KCNK15: variants seen among roughly 807,000 people sequenced by gnomAD.
KCNK15 encodes potassium two pore domain channel subfamily K member 15.
KCNK15 carries 9 observed loss-of-function variants against 8.5 expected under a neutral mutation model. The observed-to-expected ratio is 1.06, with a 90% CI of 0.64 to 1.85. KCNK15 has a LOEUF of 1.85. Among genes scored for constraint, KCNK15 ranks in the 40% most tolerant of loss-of-function variants. The probability of loss-of-function intolerance (pLI) is 0.00; values close to 1 mark genes in which losing one functional copy is unlikely to be tolerated. For missense variants in KCNK15, 467 were observed against 476.8 expected (o/e 0.98, Z 0.19); for synonymous variants, 224 against 232.7 (o/e 0.96, Z 0.34).
Position 44,750,396 on chromosome 20 carries a change from G to A in KCNK15, c.551G>A (p.Trp184Ter). ...GTCGCCTTCTCGCACTTCGAGGGCT[G>A]GACCTTCTTCCACGCCTACTACTAC... Reference protein sequence around the residue: ...GAVAFSHFEGWTFFHAYYYCF... With the variant: ...GAVAFSHFEG Residue 184 changes from tryptophan (W) to a stop codon, truncating the protein, a stop_gained, in exon 2 of 2, where the codon TGG becomes TAG. Coordinates refer to ENST00000372861, the MANE Select transcript of KCNK15 (RefSeq NM_022358.4). LOFTEE classifies it low-confidence loss of function (END_TRUNC). 1.2e-6 allele frequency: 2 copies of A among 1,613,928 alleles called. No homozygotes were observed. The highest frequency in any genetic ancestry group is 1.7e-6 in the Non-Finnish European group (2 of 1,179,888).
In KCNK15 at chr20:44,750,270, C is replaced by T. The variant is rs771233506; in HGVS notation, c.425C>T (p.Ala142Val). 29 of 1,605,770 alleles carry T rather than the reference C, an allele frequency of 1.8e-5. No homozygotes were observed. Among genetic ancestry groups the T allele is most frequent in the Non-Finnish European group, 2.4e-5 (28 of 1,177,012 alleles). The change falls in exon 2 of 2, where the codon GCG becomes GTG. Residue 142 changes from alanine to valine, a missense_variant. Around this residue, in one of 2 missense-constraint regions of KCNK15, gnomAD observed 455 missense variants for 441.2 expected, o/e 1.03. Coordinates refer to ENST00000372861, the MANE Select transcript of KCNK15 (RefSeq NM_022358.4). Reference sequence around the variant, plus strand: ...GCGGTGGTGCGGCGCCTCCTGTTGGCGGCCAAGTGCTGCCTGGGCCTGCGG... The same window carrying T: ...GCGGTGGTGCGGCGCCTCCTGTTGGTGGCCAAGTGCTGCCTGGGCCTGCGG... Reference protein sequence around the residue: ...LNAVVRRLLLAAKCCLGLRWT... With the variant: ...LNAVVRRLLLVAKCCLGLRWT...
rs555497433 is a variant in KCNK15, at chr20:44,748,296, T to A, written c.284-1833T>A. Among the ~76,000 whole-genome samples the A allele has an allele frequency of 3.6e-4, 55 of 152,170 alleles. No individual in the cohort carries two copies. In the Middle Eastern group the frequency reaches 0.01, roughly 28 times the overall value. ...CTTGGTGATGGGGACTACACCACCATCGTCCCCGCCCTCAAAGAGCTCAAA... is the reference window on the plus strand; with the variant it reads ...CTTGGTGATGGGGACTACACCACCAACGTCCCCGCCCTCAAAGAGCTCAAA... On this transcript the variant is annotated intron_variant, in intron 1 of 1. Coordinates refer to ENST00000372861, the MANE Select transcript of KCNK15 (RefSeq NM_022358.4).
rs758973774 is a variant in KCNK15, at chr20:44,746,108, G to A, written c.198G>A (p.Ala66=). 6.7e-7 allele frequency: 1 copy of A among 1,497,546 alleles called. No homozygotes were observed. The highest frequency in any genetic ancestry group is 8.9e-7 in the Non-Finnish European group (1 of 1,119,508). 92.8% of individuals were successfully genotyped at this position (1,497,546 alleles called of 1,614,324 possible). Residue 66 remains alanine, a synonymous_variant, in exon 1 of 2, where the codon GCG becomes GCA. Coordinates refer to ENST00000372861, the MANE Select transcript of KCNK15 (RefSeq NM_022358.4). ...ACTACCGCGAGCTGGAGCGCCTGGC[G>A]CTCCAGGCTGAGCCCCACCGCGCCG... is the stretch of plus-strand genomic sequence containing the variant. The part of the protein sequence containing the change: ...AEDYRELERL[A]LQAEPHRAGR...
Position 44,750,781 on chromosome 20 carries a change from G to C in KCNK15, c.936G>C (p.Pro312=). 6.6e-7 allele frequency: 1 copy of C among 1,508,976 alleles called. No individual in the cohort carries two copies. The highest frequency in any genetic ancestry group is 2.7e-5 in the East Asian group (1 of 37,452). The allele number at this position is 1,508,976 out of a possible 1,614,324, so 93.5% of individuals were successfully genotyped here. Reference sequence around the variant, plus strand: ...TGGGCTTTTCGCCCCCCTCGAGCCCGGGGGTCGTGCGTGGCGGGCAGGCTC... The same window carrying C: ...TGGGCTTTTCGCCCCCCTCGAGCCCCGGGGTCGTGCGTGGCGGGCAGGCTC... ...DNLGFSPPSS[P]GVVRGGQAPR... is the part of the protein sequence containing the mutation. The change falls in exon 2 of 2, where the codon CCG becomes CCC. Residue 312 remains proline, a synonymous_variant. Transcript: ENST00000372861.
Position 44,750,871 on chromosome 20 carries a change from TGGGA to T in KCNK15, c.*37_*40del, listed in dbSNP as rs1399472826. The T allele has an allele frequency of 1.5e-5, 20 of 1,310,748 alleles. No homozygotes were observed. Among genetic ancestry groups the T allele is most frequent in the Non-Finnish European group, 1.9e-5 (19 of 1,018,414 alleles). 81.2% of individuals were successfully genotyped at this position (1,310,748 alleles called of 1,614,324 possible). Reference sequence around the variant, plus strand: ...ACCCAGGCCAGGGTCGAATCTGGAATGGGAGGGTCTGGCTTCAGCTATCAGGGCA... The same window carrying T: ...ACCCAGGCCAGGGTCGAATCTGGAATGGGTCTGGCTTCAGCTATCAGGGCA... On this transcript the variant is annotated 3_prime_UTR_variant, in exon 2 of 2. Coordinates refer to ENST00000372861, the MANE Select transcript of KCNK15 (RefSeq NM_022358.4).
At chr20:44,747,958 G>A (rs1342971701) in intron 1 of KCNK15, among the ~76,000 whole-genome samples, 1 of 152,194 alleles carries the variant, frequency 6.6e-6, no homozygotes, top group Admixed American at 6.5e-5. Flanking sequence ...CAGGCCTGTG[G>A]CCTTTGGGCA....
Position 44,745,993 on chromosome 20 carries a change from C to A in KCNK15, c.83C>A (p.Ala28Glu). ...YLLVGAAVFD[A>E]LESEAESGRQ... ...CTGGTGGGCGCTGCTGTCTTCGACG[C>A]GCTCGAGTCCGAGGCGGAAAGCGGC... The change falls in exon 1 of 2, where the codon GCG becomes GAG. Residue 28 changes from alanine to glutamate, a missense_variant. This residue lies in a region of KCNK15 where 455 missense variants were observed against 441.2 expected (regional missense o/e 1.03). Coordinates refer to ENST00000372861, the MANE Select transcript of KCNK15 (RefSeq NM_022358.4). The A allele has an allele frequency of 6.6e-7, 1 of 1,521,814 alleles. No homozygotes were observed. Among genetic ancestry groups the A allele is most frequent in the South Asian group, 1.2e-5 (1 of 80,018 alleles). 94.3% of individuals were successfully genotyped at this position (1,521,814 alleles called of 1,614,324 possible).
chr20:44,750,899 C>A lies in KCNK15; in HGVS notation c.*61C>A, dbSNP rs2066029008. 15 of 1,159,814 alleles carry A rather than the reference C, an allele frequency of 1.3e-5. 2 individuals carry two copies. In the South Asian group the frequency reaches 3.1e-4, roughly 24 times the overall value. The allele number at this position is 1,159,814 out of a possible 1,614,324, so 71.8% of individuals were successfully genotyped here. On this transcript the variant is annotated 3_prime_UTR_variant, in exon 2 of 2. Coordinates refer to ENST00000372861, the MANE Select transcript of KCNK15 (RefSeq NM_022358.4). ...GAGGGTCTGGCTTCAGCTATCAGGG[C>A]ACCCTCCCCAGGGATTGGAAACGGA...
chr20:44,750,387 T>C lies in KCNK15; in HGVS notation c.542T>C (p.Phe181Ser). 1 of 1,613,888 alleles carries C rather than the reference T, an allele frequency of 6.2e-7. No homozygotes were observed. Among genetic ancestry groups the C allele is most frequent in the Non-Finnish European group, 8.5e-7 (1 of 1,179,880 alleles). ...CTCGGGGCCGTCGCCTTCTCGCACT[T>C]CGAGGGCTGGACCTTCTTCCACGCC... ...LALGAVAFSHFEGWTFFHAYY... is the reference protein window; with the variant it reads ...LALGAVAFSHSEGWTFFHAYY... The change falls in exon 2 of 2, where the codon TTC (phenylalanine) becomes TCC (serine). Residue 181 changes from phenylalanine (F) to serine (S), a missense_variant. Coordinates refer to ENST00000372861, the MANE Select transcript of KCNK15 (RefSeq NM_022358.4).
rs368712871 is a variant in KCNK15 at position 44,746,192 on chromosome 20, C to T, written c.282C>T (p.Ile94=). The T allele has an allele frequency of 2.5e-5, 34 of 1,372,632 alleles. No individual in the cohort carries two copies. The highest frequency in any genetic ancestry group is 1.2e-4 in the Admixed American group (4 of 32,398). 85.0% of individuals were successfully genotyped at this position (1,372,632 alleles called of 1,614,324 possible). The change falls in exon 1 of 2, where the codon ATC becomes ATT. Residue 94 remains isoleucine, a splice_region_variant and synonymous_variant. Coordinates refer to ENST00000372861, the MANE Select transcript of KCNK15 (RefSeq NM_022358.4). The part of the protein sequence containing the change: ...FYFAITVITT[I]EYGHAAPGTD... ...TCGCCATCACCGTCATCACTACCATCGGTGAGCCGCCCGGAGCCTCCCTCC... is the reference window on the plus strand; with the variant it reads ...TCGCCATCACCGTCATCACTACCATTGGTGAGCCGCCCGGAGCCTCCCTCC...
intron 1 of KCNK15, among the ~76,000 whole-genome samples, chr20:44,749,217 G>T (rs1051388856): frequency 5.9e-5 from 9 of 152,154 alleles, no homozygotes; most frequent in Non-Finnish European, 1.3e-4. Context: ...TTGGCCTCCT[G>T]ACTCTTCCTG....
chr20:44,749,157 T>C (rs1384963223), intron 1 of KCNK15, among the ~76,000 whole-genome samples: 1 of 152,204 alleles, frequency 6.6e-6, no homozygotes, highest in Non-Finnish European at 1.5e-5. Flanking sequence ...GATTTGTATT[T>C]TTTACTTTTT....
At chr20:44,749,651 A>T (rs1214138778) in intron 1 of KCNK15, among the ~76,000 whole-genome samples, 3 of 152,130 alleles carry the variant, frequency 2.0e-5, no homozygotes, top group Admixed American at 2.0e-4. Flanking sequence ...CACGGTCAAG[A>T]CGGAACATTG....
intron 1 of KCNK15, 97 bp from the exon 2 acceptor site, chr20:44,750,032 G>T: frequency 8.8e-7 from 1 of 1,130,784 alleles, no homozygotes; most frequent in East Asian, 2.5e-5. Flanking sequence ...CAGCCCCGGG[G>T]ACGGGGAGGG....
At position 44,751,337 on chromosome 20, in the gene KCNK15, T is replaced by TG. The variant is rs2066031121; in HGVS notation, c.*500dup. The TG allele has an allele frequency of 6.6e-6, 1 of 152,384 alleles. No individual in the cohort carries two copies. The highest frequency in any genetic ancestry group is 2.1e-4 in the South Asian group (1 of 4,826). 9.4% of individuals were successfully genotyped at this position (152,384 alleles called of 1,614,324 possible). ...AGTGTTGACAAGGGGGTCAATCTCT[T>TG]GCGCTAAACGATCTCATTCTCTGCC... On this transcript the variant is annotated 3_prime_UTR_variant, in exon 2 of 2. Transcript: ENST00000372861.
chr20:44,750,385 C>T lies in KCNK15; in HGVS notation c.540C>T (p.His180=), dbSNP rs1488510471. 2 of 1,613,884 alleles carry T rather than the reference C, an allele frequency of 1.2e-6. No individual in the cohort carries two copies. Among genetic ancestry groups the T allele is most frequent in the East Asian group, 2.2e-5 (1 of 44,882 alleles). Residue 180 remains histidine (H), a synonymous_variant, in exon 2 of 2, where the codon CAC becomes CAT. Coordinates refer to ENST00000372861, the MANE Select transcript of KCNK15 (RefSeq NM_022358.4). ...CCCTCGGGGCCGTCGCCTTCTCGCA[C>T]TTCGAGGGCTGGACCTTCTTCCACG... is the stretch of plus-strand genomic sequence containing the variant. ...TLALGAVAFS[H]FEGWTFFHAY... is the part of the protein sequence containing the mutation.
rs942212605 is a variant in KCNK15 at position 44,751,970 on chromosome 20, G to C, written c.*1132G>C. On this transcript the variant is annotated 3_prime_UTR_variant, in exon 2 of 2. Transcript: ENST00000372861. ...AATGAGGGAAAGGTGGGTGGATGGAGAGAGGCCCCCAGCCTAAGGACCCAG... is the reference window on the plus strand; with the variant it reads ...AATGAGGGAAAGGTGGGTGGATGGACAGAGGCCCCCAGCCTAAGGACCCAG... 5 of 152,356 alleles carry C rather than the reference G, an allele frequency of 3.3e-5. No homozygotes were observed. The highest frequency in any genetic ancestry group is 1.2e-4 in the African/African-American group (5 of 41,564). The allele number at this position is 152,356 out of a possible 1,614,324, so 9.4% of individuals were successfully genotyped here.
chr20:44,751,752 A>C lies in KCNK15; in HGVS notation c.*914A>C, dbSNP rs1175632952. The C allele has an allele frequency of 6.6e-6, 1 of 152,222 alleles. No individual in the cohort carries two copies. Among genetic ancestry groups the C allele is most frequent in the Non-Finnish European group, 1.5e-5 (1 of 68,054 alleles). The allele number at this position is 152,222 out of a possible 1,614,324, so 9.4% of individuals were successfully genotyped here. ...TCCTGGCACCCCGTGGCACTCAGCCACTTCCCCTGGCTTCCCAGATAGGGC... is the reference window on the plus strand; with the variant it reads ...TCCTGGCACCCCGTGGCACTCAGCCCCTTCCCCTGGCTTCCCAGATAGGGC... On this transcript the variant is annotated 3_prime_UTR_variant, in exon 2 of 2. Coordinates refer to ENST00000372861, the MANE Select transcript of KCNK15 (RefSeq NM_022358.4).
chr20:44,746,189 C>T lies in KCNK15; in HGVS notation c.279C>T (p.Thr93=), dbSNP rs188731937. ...SFYFAITVIT[T]IEYGHAAPGT... ...ACTTCGCCATCACCGTCATCACTAC[C>T]ATCGGTGAGCCGCCCGGAGCCTCCC... Residue 93 remains threonine (T), a synonymous_variant, in exon 1 of 2, where the codon ACC becomes ACT. Transcript: ENST00000372861. 1.6e-4 allele frequency: 225 copies of T among 1,375,814 alleles called. No individual in the cohort carries two copies. The highest frequency in any genetic ancestry group is 3.7e-4 in the Admixed American group (12 of 32,546). 85.2% of individuals were successfully genotyped at this position (1,375,814 alleles called of 1,614,324 possible). A position where few individuals can be genotyped will look rare whatever the true frequency, so the allele number is the denominator to read the frequency against.
Sources: allele counts gnomAD v4.1 joint callset (sites outside exome capture counted in the v4.1 genomes callset), GRCh38; gene constraint gnomAD v4.1.1; regional missense constraint gnomAD v4.1.1; transcripts MANE v1.5; gene names NCBI Gene and HGNC (gene_info 2026-07-23, HGNC 2026-07-21).